The following TRDMT1 variants were observed in gnomAD, a reference collection of about 807,000 sequenced individuals.
The protein encoded by TRDMT1 is tRNA aspartic acid methyltransferase 1, also known as tRNA (cytosine(38)-C(5))-methyltransferase.
Under a neutral mutation model 51.2 loss-of-function variants are expected in TRDMT1, and 49 were observed. That is an observed-to-expected ratio of 0.96 (90% CI 0.76 to 1.21). The LOEUF (loss-of-function observed/expected upper bound fraction) is 1.21. Ranked by LOEUF, TRDMT1 falls within the 50% of genes most tolerant of loss-of-function variation. TRDMT1 has a pLI of 0.00. For synonymous variants in TRDMT1, 187 were observed against 164.6 expected (o/e 1.14, Z -1.04); for missense variants, 534 against 462.3 (o/e 1.16, Z -1.42).
In TRDMT1 at chr10:17,157,738, T is replaced by A. The variant is rs752866454; in HGVS notation, c.590A>T (p.Tyr197Phe). 6.2e-7 allele frequency: 1 copy of A among 1,609,946 alleles called. No individual in the cohort carries two copies. ...AATTTTATTTTCTACATCCATTGCATATTTTTGTGGATGTACAGATTCAAT... is the reference window on the plus strand; with the variant it reads ...AATTTTATTTTCTACATCCATTGCAAATTTTTGTGGATGTACAGATTCAAT... ...PKIESVHPQK[Y>F]AMDVENKIQE... Residue 197 changes from tyrosine (Y) to phenylalanine (F), a missense_variant, in exon 8 of 11, where the codon TAT becomes TTT. Tyr to Phe is a conservative substitution (Grantham distance 22, BLOSUM62 3). Transcript: ENST00000377799.
intron 2 of TRDMT1, among the ~76,000 whole-genome samples, chr10:17,174,343 A>T (rs1227552420): frequency 6.6e-6 from 1 of 152,216 alleles, no homozygotes; most frequent in Non-Finnish European, 1.5e-5. Flanking sequence ...GAAAGACCAA[A>T]ATATTGATCT....
Position 17,201,645 on chromosome 10 carries a change from C to T in TRDMT1, c.-11G>A. ...CCGCAGGGGCTCCATCCCCGCGCCT[C>T]AGCCGCCGCAGCCCCGGAGCTAGGC... is the stretch of plus-strand genomic sequence containing the variant. On this transcript the variant is annotated 5_prime_UTR_variant, in exon 1 of 11. Transcript: ENST00000377799. 1 of 1,539,692 alleles carries T rather than the reference C, an allele frequency of 6.5e-7. No homozygotes were observed. Among genetic ancestry groups the T allele is most frequent in the Non-Finnish European group, 8.7e-7 (1 of 1,143,614 alleles).
At chr10:17,157,244 G>A (rs1403040197) in intron 8 of TRDMT1, among the ~76,000 whole-genome samples, 197 bp downstream of exon 8, 1 of 152,102 alleles carries the variant, frequency 6.6e-6, no homozygotes, top group Non-Finnish European at 1.5e-5. Context: ...TTTGTGGGTG[G>A]TGCACATAAT....
In TRDMT1 at chr10:17,144,799, C is replaced by A. The variant is rs1038036330; in HGVS notation, c.*4241G>T. ...AAACGGAAGCTAGAAACAACAACAA[C>A]AAAAAATACTTTTTCTTTTTTTTTT... is the stretch of plus-strand genomic sequence containing the variant. On this transcript the variant is annotated 3_prime_UTR_variant, in exon 11 of 11. Transcript: ENST00000377799. The A allele has an allele frequency of 1.1e-4, 108 of 983,954 alleles. No individual in the cohort carries two copies. The highest frequency in any genetic ancestry group is 4.2e-4 in the South Asian group (9 of 21,258). 61.0% of individuals were successfully genotyped at this position (983,954 alleles called of 1,614,324 possible). A position where few individuals can be genotyped will look rare whatever the true frequency, so the allele number is the denominator to read the frequency against.
chr10:17,147,258 G>T lies in TRDMT1; in HGVS notation c.*1782C>A. 15 of 985,630 alleles carry T rather than the reference G, an allele frequency of 1.5e-5. No homozygotes were observed. The highest frequency in any genetic ancestry group is 1.8e-5 in the Non-Finnish European group (15 of 829,884). The allele number at this position is 985,630 out of a possible 1,614,324, so 61.1% of individuals were successfully genotyped here. A position where few individuals can be genotyped will look rare whatever the true frequency, so the allele number is the denominator to read the frequency against. Reference sequence around the variant, plus strand: ...CTGAAATTTATGAGACTTGTAATAGGCTCTGTCTGAACACATATGAAAAAT... The same window carrying T: ...CTGAAATTTATGAGACTTGTAATAGTCTCTGTCTGAACACATATGAAAAAT... On this transcript the variant is annotated 3_prime_UTR_variant, in exon 11 of 11. Transcript: ENST00000377799.
At chr10:17,153,432 C>G in intron 10 of TRDMT1, 75 bp downstream of exon 10, 1 of 1,565,920 alleles carries the variant, frequency 6.4e-7, no homozygotes, top group Non-Finnish European at 8.7e-7. Context: ...TAGGCAAGTC[C>G]TAGACACACA....
intron 10 of TRDMT1, chr10:17,153,132 C>T (rs1018195669): frequency 9.4e-6 from 3 of 318,902 alleles, no homozygotes; most frequent in African/African-American, 6.3e-5. Flanking sequence ...AAAAGCCAAT[C>T]GAAAGCATTC....
At chr10:17,201,323 C>T (rs763150175) in intron 1 of TRDMT1, 2 of 495,558 alleles carry the variant, frequency 4.0e-6, no homozygotes, top group Non-Finnish European at 7.1e-6. Context: ...CGACTCCCAA[C>T]TGGGCCCTTT....
chr10:17,178,994 A>G (rs1464028101), intron 1 of TRDMT1, among the ~76,000 whole-genome samples: 5 of 152,206 alleles, frequency 3.3e-5, no homozygotes, highest in Non-Finnish European at 7.3e-5. Context: ...ACCAAAAGAC[A>G]TACCAGAGCC....
intron 1 of TRDMT1, among the ~76,000 whole-genome samples, chr10:17,192,248 T>C (rs548901376): frequency 6.6e-6 from 1 of 152,066 alleles, no homozygotes. Context: ...TGTGGGCAAC[T>C]AGAAGAACAA....
At position 17,146,334 on chromosome 10, in the gene TRDMT1, C is replaced by T; in HGVS notation, c.*2706G>A. 1 of 985,412 alleles carries T rather than the reference C, an allele frequency of 1.0e-6. No homozygotes were observed. The highest frequency in any genetic ancestry group is 1.2e-6 in the Non-Finnish European group (1 of 829,928). 61.0% of individuals were successfully genotyped at this position (985,412 alleles called of 1,614,324 possible). On this transcript the variant is annotated 3_prime_UTR_variant, in exon 11 of 11. Coordinates refer to ENST00000377799, the MANE Select transcript of TRDMT1 (RefSeq NM_004412.7). ...ATAGGGCAGTGCCCATGGTGAAGGT[C>T]TGATTTCACAGACAGAACACCATGG... is the stretch of plus-strand genomic sequence containing the variant.
Position 17,146,224 on chromosome 10 carries a change from C to A in TRDMT1, c.*2816G>T. On this transcript the variant is annotated 3_prime_UTR_variant, in exon 11 of 11. Coordinates refer to ENST00000377799, the MANE Select transcript of TRDMT1 (RefSeq NM_004412.7). ...CCCTCACTGTTCACAATTTCAACTACTGTTTTTGCCTCTTTAGAAGGCTCT... is the reference window on the plus strand; with the variant it reads ...CCCTCACTGTTCACAATTTCAACTAATGTTTTTGCCTCTTTAGAAGGCTCT... The A allele has an allele frequency of 1.0e-6, 1 of 985,424 alleles. No homozygotes were observed. The highest frequency in any genetic ancestry group is 1.2e-6 in the Non-Finnish European group (1 of 829,928). The allele number at this position is 985,424 out of a possible 1,614,324, so 61.0% of individuals were successfully genotyped here.
chr10:17,163,896 A>C (rs1399861142), intron 3 of TRDMT1, among the ~76,000 whole-genome samples: 2 of 152,206 alleles, frequency 1.3e-5, no homozygotes, highest in Non-Finnish European at 2.9e-5. Flanking sequence ...ACCAAAAAAA[A>C]GTCCAGGACC....
intron 1 of TRDMT1, 133 bp downstream of exon 1, chr10:17,201,438 C>A: frequency 2.3e-6 from 2 of 870,196 alleles, no homozygotes; most frequent in Middle Eastern, 2.8e-4. Context: ...TCCAGGACAA[C>A]CGAGGGCCGC....
chr10:17,174,933 C>T (rs1031913304), intron 1 of TRDMT1, among the ~76,000 whole-genome samples: 2 of 152,136 alleles, frequency 1.3e-5, no homozygotes, highest in Non-Finnish European at 2.9e-5. Context: ...TTTCCTCCCT[C>T]ATTAAGAGAC....
At chr10:17,193,776 T>C (rs1564346181) in intron 1 of TRDMT1, among the ~76,000 whole-genome samples, 1 of 152,172 alleles carries the variant, frequency 6.6e-6, no homozygotes. Context: ...GTCAAACTAC[T>C]AGCATCATTT....
In TRDMT1 at chr10:17,146,684, C is replaced by T. The variant is rs965369685; in HGVS notation, c.*2356G>A. The T allele has an allele frequency of 8.1e-6, 8 of 985,216 alleles. No homozygotes were observed. The African/African-American group carries it at 1.4e-4, about 17-fold the overall frequency. The allele number at this position is 985,216 out of a possible 1,614,324, so 61.0% of individuals were successfully genotyped here. A position where few individuals can be genotyped will look rare whatever the true frequency, so the allele number is the denominator to read the frequency against. On this transcript the variant is annotated 3_prime_UTR_variant, in exon 11 of 11. Coordinates refer to ENST00000377799, the MANE Select transcript of TRDMT1 (RefSeq NM_004412.7). The stretch of plus-strand genomic sequence containing the variant: ...GAAGACTGAATTACACATAGTTCTC[C>T]TGAAAATGAGAAGCTATGTTTTCCA...
intron 1 of TRDMT1, among the ~76,000 whole-genome samples, chr10:17,181,788 A>G (rs1358312816): frequency 3.3e-5 from 5 of 152,196 alleles, no homozygotes; most frequent in Non-Finnish European, 7.3e-5. Flanking sequence ...CAGTAAGTAA[A>G]TATCTGTGAG....
intron 1 of TRDMT1, among the ~76,000 whole-genome samples, chr10:17,175,295 G>A (rs1164476179): frequency 2.0e-5 from 3 of 152,138 alleles, no homozygotes; most frequent in African/African-American, 4.8e-5. Context: ...AGAAGAATAA[G>A]GGAAATAATT....
Sources: gnomAD v4.1 joint callset for allele counts (sites outside exome capture counted in the v4.1 genomes callset) on GRCh38, gnomAD v4.1.1 for gene constraint, MANE v1.5 for transcripts, NCBI Gene and HGNC (gene_info 2026-07-23, HGNC 2026-07-21) for gene names.